Variants in ACACB observed in about 807,000 individuals in gnomAD.
ACACB encodes acetyl-CoA carboxylase beta.
Under a neutral mutation model 278.8 loss-of-function variants are expected in ACACB, and 209 were observed. The ratio of observed to expected loss-of-function variants is 0.75; its 90% CI spans 0.67 to 0.84. ACACB has a LOEUF of 0.84. Ranked by LOEUF, ACACB falls within the 40% of genes least tolerant of loss-of-function variation. The pLI is 0.00. For synonymous variants in ACACB, 1,174 were observed against 1,285.6 expected, an observed-to-expected ratio of 0.91 and a Z score of 1.86; for missense variants, 2,850 against 3,269.0, an observed-to-expected ratio of 0.87 and a Z score of 3.13.
upstream of ACACB, among the ~76,000 whole-genome samples, chr12:109,112,706 A>C (rs1004639884): frequency 1.4e-5 from 2 of 143,720 alleles, no homozygotes; most frequent in Non-Finnish European, 3.0e-5. Context: ...AAAAAAAAAA[A>C]AAACCAACCA....
At chr12:109,126,009 T>A (rs1479018714) in intron 1 of ACACB, among the ~76,000 whole-genome samples, 1 of 152,226 alleles carries the variant, frequency 6.6e-6, no homozygotes, top group Admixed American at 6.5e-5. Context: ...GGGCCATTCC[T>A]GCCTGTTTGC....
In ACACB at chr12:109,190,079, C is replaced by T. The variant is rs539490349; in HGVS notation, c.2145-1534C>T. 1.4e-4 allele frequency among the ~76,000 whole-genome samples: 22 copies of T among 152,140 alleles called. No individual in the cohort carries two copies. In the South Asian group the frequency reaches 3.3e-3, roughly 23 times the overall value. ...TGAGCTGAGATCGTGCCATTTCACT[C>T]CAGCCTGGGCAACAAGAGTGAAGCT... On this transcript the variant is annotated intron_variant, in intron 13 of 52. Coordinates refer to ENST00000338432, the MANE Select transcript of ACACB (RefSeq NM_001093.4).
intron 24 of ACACB, among the ~76,000 whole-genome samples, chr12:109,219,795 T>C (rs1287702126): frequency 1.3e-5 from 2 of 152,226 alleles, no homozygotes; most frequent in Non-Finnish European, 2.9e-5. Context: ...TCAATTCTTC[T>C]GTAGTTTTGA....
At chr12:109,167,744 T>C (rs2043966996) in intron 3 of ACACB, 152 bp from the exon 4 acceptor site, 1 of 1,136,250 alleles carries the variant, frequency 8.8e-7, no homozygotes, top group Non-Finnish European at 1.2e-6. Context: ...TGCTGGGGTG[T>C]GTGCCATGGA....
intron 1 of ACACB, among the ~76,000 whole-genome samples, chr12:109,120,615 T>A (rs192306736): frequency 6.6e-6 from 1 of 152,124 alleles, no homozygotes; most frequent in Non-Finnish European, 1.5e-5. Context: ...GGGTTCTGGA[T>A]GAATTTGAAC....
rs530028687 is a variant in ACACB at position 109,212,743 on chromosome 12, G to A, written c.3250-93G>A. The A allele has an allele frequency of 1.2e-4, 125 of 1,038,880 alleles. 1 individual carries two copies. The highest frequency in any genetic ancestry group is 8.9e-4 in the Middle Eastern group (4 of 4,482). The allele number at this position is 1,038,880 out of a possible 1,614,324, so 64.4% of individuals were successfully genotyped here. ...CCTAACAGGCCACGGACCAGTGCTC[G>A]TTTGGGTACTGGTTTGGGGACCCTT... On this transcript the variant is annotated intron_variant, in intron 21 of 52. Coordinates refer to ENST00000338432, the MANE Select transcript of ACACB (RefSeq NM_001093.4).
rs1416056626 is a variant in ACACB, at chr12:109,209,380, C to T, written c.3249+27C>T. Reference sequence around the variant, plus strand: ...TGCGTGCTCCCCTGCCCAGCCCCACCCCACCAGGATGGTCACACTGGGCCG... The same window carrying T: ...TGCGTGCTCCCCTGCCCAGCCCCACTCCACCAGGATGGTCACACTGGGCCG... On this transcript the variant is annotated intron_variant, in intron 21 of 52. Transcript: ENST00000338432. 4 of 1,590,954 alleles carry T rather than the reference C, an allele frequency of 2.5e-6. No homozygotes were observed. In the South Asian group the frequency reaches 4.5e-5, roughly 18 times the overall value.
chr12:109,242,284 G>T, intron 36 of ACACB, 153 bp from the exon 37 acceptor site: 1 of 759,136 alleles, frequency 1.3e-6, no homozygotes, highest in Non-Finnish European at 2.1e-6. Context: ...TGGTGAAGAA[G>T]GGAGTTTTAC....
At chr12:109,112,822 C>T (rs2042335916), upstream of ACACB, among the ~76,000 whole-genome samples, 1 of 151,904 alleles carries the variant, frequency 6.6e-6, no homozygotes, top group Non-Finnish European at 1.5e-5. Flanking sequence ...AAAAGGCAGT[C>T]TTAGCCTTTT....
chr12:109,261,880 C>CAA (rs757106164), intron 48 of ACACB, among the ~76,000 whole-genome samples: 1 of 86,086 alleles, frequency 1.2e-5, no homozygotes, highest in African/African-American at 4.3e-5. Context: ...AAAAAAAAAA[C>CAA]AAAAAAAAAA....
intron 1 of ACACB, among the ~76,000 whole-genome samples, chr12:109,135,849 G>A (rs540696544): frequency 9.6e-5 from 13 of 135,516 alleles, no homozygotes; most frequent in South Asian, 9.6e-4. Flanking sequence ...TTGCTCTGTC[G>A]CCCAGGCTGG....
chr12:109,184,875 G>A (rs2044600377), intron 11 of ACACB, among the ~76,000 whole-genome samples: 1 of 151,622 alleles, frequency 6.6e-6, no homozygotes, highest in South Asian at 2.1e-4. Context: ...CCTGGCTAAT[G>A]TTTTTTTAAT....
chr12:109,211,241 C>T (rs2045838018), intron 21 of ACACB, among the ~76,000 whole-genome samples: 1 of 151,688 alleles, frequency 6.6e-6, no homozygotes, highest in Admixed American at 6.6e-5. Context: ...TGTTGTTCAG[C>T]CAAAGAAAGA....
At chr12:109,199,324 G>T in intron 17 of ACACB, 78 bp from the exon 18 acceptor site, 1 of 1,228,430 alleles carries the variant, frequency 8.1e-7, no homozygotes, top group Non-Finnish European at 1.1e-6. Flanking sequence ...AAGGGGAAAT[G>T]GTATTGAAAG....
In ACACB at chr12:109,166,894, G is replaced by A. The variant is rs768555581; in HGVS notation, c.687G>A (p.Arg229=). ...PSMSGLHLVK[R]GREHKKLDLH... ...TGTCGGGACTCCACCTGGTGAAGAGGGGACGGGAACACAAGAAGCTGGACC... is the reference window on the plus strand; with the variant it reads ...TGTCGGGACTCCACCTGGTGAAGAGAGGACGGGAACACAAGAAGCTGGACC... Residue 229 remains arginine, a synonymous_variant, in exon 3 of 53, where the codon AGG becomes AGA. Transcript: ENST00000338432. 2 of 1,614,050 alleles carry A rather than the reference G, an allele frequency of 1.2e-6. No individual in the cohort carries two copies. Among genetic ancestry groups the A allele is most frequent in the East Asian group, 2.2e-5 (1 of 44,852 alleles).
At chr12:109,251,779 C>T (rs1428901941) in intron 41 of ACACB, among the ~76,000 whole-genome samples, 1 of 152,144 alleles carries the variant, frequency 6.6e-6, no homozygotes, top group Non-Finnish European at 1.5e-5. Context: ...TGCACACAAG[C>T]CTCTTAAAAT....
Position 109,237,787 on chromosome 12 carries a change from G to A in ACACB, c.4662+407G>A, listed in dbSNP as rs112331949. Among the ~76,000 whole-genome samples, 423 of 152,100 alleles carry A rather than the reference G, an allele frequency of 2.8e-3. 2 individuals are homozygous for A. The highest frequency in any genetic ancestry group is 9.8e-3 in the African/African-American group (405 of 41,496). ...AGTACTTTGGGAGGCTGAGGTGGGC[G>A]GATCACTTGAGGTCAGGGGTTCAAA... On this transcript the variant is annotated intron_variant, in intron 34 of 52. Coordinates refer to ENST00000338432, the MANE Select transcript of ACACB (RefSeq NM_001093.4).
At chr12:109,152,595 C>A (rs922501499) in intron 2 of ACACB, among the ~76,000 whole-genome samples, 1 of 150,414 alleles carries the variant, frequency 6.6e-6, no homozygotes, top group African/African-American at 2.4e-5. Flanking sequence ...GTACTTGGCA[C>A]CCCCGGGAAG....
At chr12:109,216,544 T>TAA in intron 22 of ACACB, 74 bp from the exon 23 acceptor site, 3 of 1,428,460 alleles carry the variant, frequency 2.1e-6, no homozygotes, top group South Asian at 2.4e-5. Flanking sequence ...TTAAAAATCA[T>TAA]AAAAAAAAAT....
Sources: allele counts gnomAD v4.1 joint callset (sites outside exome capture counted in the v4.1 genomes callset), GRCh38; gene constraint gnomAD v4.1.1; transcripts MANE v1.5; gene names NCBI Gene and HGNC (gene_info 2026-07-23, HGNC 2026-07-21).